The following CHCHD3 variants were observed in gnomAD, a reference collection of about 807,000 sequenced individuals.
CHCHD3 encodes MICOS complex subunit MIC19.
Under a neutral mutation model 38.2 loss-of-function variants are expected in CHCHD3, and 20 were observed. That is an observed-to-expected ratio of 0.52 (90% CI 0.37 to 0.76). The LOEUF (loss-of-function observed/expected upper bound fraction) is 0.76, where lower values mean the gene tolerates loss of function less well. CHCHD3 is among the 30% of genes least tolerant of loss of function. CHCHD3 has a pLI of 0.00. For synonymous variants in CHCHD3, 82 were observed against 100.0 expected (o/e 0.82, Z 1.07); for missense variants, 245 against 279.2 (o/e 0.88, Z 0.87).
intron 2 of CHCHD3, among the ~76,000 whole-genome samples, chr7:133,066,015 TCAGAGCTATGCAA>T: frequency 6.6e-6 from 1 of 152,296 alleles, no homozygotes; most frequent in South Asian, 2.1e-4. Context: ...GTGTTCCAGA[TCAGAGCTATGCAA>T]CAGAACTGTC....
chr7:132,926,815 A>T (rs1326743708), intron 4 of CHCHD3, among the ~76,000 whole-genome samples: 4 of 152,080 alleles, frequency 2.6e-5, no homozygotes, highest in African/African-American at 9.7e-5. Context: ...ATTGTTTTTA[A>T]TGTGTATTTT....
At chr7:132,838,514 C>T (rs767910271) in intron 5 of CHCHD3, 45 bp from the exon 6 acceptor site, 2 of 1,380,584 alleles carry the variant, frequency 1.4e-6, no homozygotes, top group African/African-American at 1.4e-5. Context: ...TCCAAGATGA[C>T]AAAATGTGTG....
intron 5 of CHCHD3, among the ~76,000 whole-genome samples, chr7:132,882,851 C>G (rs781773648): frequency 6.6e-6 from 1 of 152,106 alleles, no homozygotes; most frequent in Non-Finnish European, 1.5e-5. Context: ...TTAACATTTA[C>G]TAACTCTGAT....
In CHCHD3 at chr7:132,857,815, G is replaced by A. The variant is rs559572905; in HGVS notation, c.454-19346C>T. On this transcript the variant is annotated intron_variant, in intron 5 of 7. Coordinates refer to ENST00000262570, the MANE Select transcript of CHCHD3 (RefSeq NM_017812.4). ...CAAGCCACTCAATCCCACTGGGTCT[G>A]GTTTTAGAAATTAGATACCCCTGTG... 6.8e-4 allele frequency among the ~76,000 whole-genome samples: 104 copies of A among 152,306 alleles called. 2 individuals are homozygous for A. In the South Asian group the frequency reaches 0.02, roughly 30 times the overall value.
At position 133,034,508 on chromosome 7, in the gene CHCHD3, CTTT is replaced by C. The variant is rs146912120; in HGVS notation, c.170-9884_170-9882del. 3.5e-3 allele frequency: 990 copies of C among 283,858 alleles called. 2 individuals are homozygous for C. The highest frequency in any genetic ancestry group is 9.3e-3 in the African/African-American group (250 of 26,902). The allele number at this position is 283,858 out of a possible 1,614,324, so 17.6% of individuals were successfully genotyped here. On this transcript the variant is annotated intron_variant, in intron 2 of 7. Transcript: ENST00000262570. ...AGTCCTTTCAGCAATTGGATCCAGT[CTTT>C]TTTTTTTTTTTTTTTTTTTCAATGT... is the stretch of plus-strand genomic sequence containing the variant.
chr7:132,910,289 T>C (rs186920924), intron 4 of CHCHD3, among the ~76,000 whole-genome samples: 347 of 152,318 alleles, frequency 2.3e-3, no homozygotes, highest in African/African-American at 7.8e-3. Context: ...GAGTCCAGCA[T>C]AGTGCCTGCA....
intron 6 of CHCHD3, among the ~76,000 whole-genome samples, chr7:132,801,177 G>A (rs367938647): frequency 3.9e-5 from 6 of 151,988 alleles, no homozygotes; most frequent in East Asian, 1.9e-4. Flanking sequence ...ATCGTAAAAT[G>A]CAATATGAAG....
chr7:133,014,024 T>C (rs1226479948), intron 3 of CHCHD3, among the ~76,000 whole-genome samples: 1 of 152,220 alleles, frequency 6.6e-6, no homozygotes, highest in Non-Finnish European at 1.5e-5. Flanking sequence ...TAGACACTTG[T>C]CACATTAGTG....
At chr7:132,925,757 T>A (rs1325570439) in intron 4 of CHCHD3, among the ~76,000 whole-genome samples, 1 of 152,158 alleles carries the variant, frequency 6.6e-6, no homozygotes, top group Non-Finnish European at 1.5e-5. Flanking sequence ...TCTAAGAGCT[T>A]ACTGACCACT....
chr7:132,794,579 C>T (rs1337534807), intron 7 of CHCHD3, among the ~76,000 whole-genome samples: 1 of 152,116 alleles, frequency 6.6e-6, no homozygotes, highest in Non-Finnish European at 1.5e-5. Context: ...TTATTATTAA[C>T]TTGTATTATA....
At position 132,973,036 on chromosome 7, in the gene CHCHD3, ATT is replaced by A. The variant is rs1230745504; in HGVS notation, c.369+2131_369+2132del. The A allele has an allele frequency of 7.1e-6, 7 of 985,264 alleles. No homozygotes were observed. In the African/African-American group the frequency reaches 1.0e-4, roughly 15 times the overall value. The allele number at this position is 985,264 out of a possible 1,614,324, so 61.0% of individuals were successfully genotyped here. On this transcript the variant is annotated intron_variant, in intron 4 of 7. Transcript: ENST00000262570. ...GTAACAAATCTTTTGATACTTTCAC[ATT>A]TTTTTGTGAAATCTCTTTTTATGTC... is the stretch of plus-strand genomic sequence containing the variant.
intron 6 of CHCHD3, among the ~76,000 whole-genome samples, chr7:132,807,942 C>A (rs192321070): frequency 1.3e-5 from 2 of 151,868 alleles, no homozygotes; most frequent in Non-Finnish European, 2.9e-5. Context: ...GATGCCTGGG[C>A]ACCACAATTC....
chr7:132,844,480 C>T (rs141104583), intron 5 of CHCHD3, among the ~76,000 whole-genome samples: 2 of 152,148 alleles, frequency 1.3e-5, no homozygotes, highest in African/African-American at 2.4e-5. Flanking sequence ...TATTGTCCTG[C>T]CCCATAAACA....
chr7:132,991,964 C>T lies in CHCHD3; in HGVS notation c.252-16678G>A, dbSNP rs1041339915. Among the ~76,000 whole-genome samples, 3 of 152,146 alleles carry T rather than the reference C, an allele frequency of 2.0e-5. No homozygotes were observed. The South Asian group carries it at 6.2e-4, about 32-fold the overall frequency. ...TCCTAAGATGGACTACTGTGTTCAA[C>T]ATTTGGCTACGACTCTCAGCTTCTC... On this transcript the variant is annotated intron_variant, in intron 3 of 7. Transcript: ENST00000262570.
At chr7:132,913,980 C>T (rs111277230) in intron 4 of CHCHD3, among the ~76,000 whole-genome samples, 2 of 110,320 alleles carry the variant, frequency 1.8e-5, no homozygotes, top group African/African-American at 7.0e-5. Context: ...GAGATGGAGT[C>T]TTGCTCTATT....
chr7:132,864,951 T>C (rs1278230145), intron 5 of CHCHD3, among the ~76,000 whole-genome samples: 1 of 152,170 alleles, frequency 6.6e-6, no homozygotes, highest in African/African-American at 2.4e-5. Flanking sequence ...TCTCTACTCA[T>C]TGCAAAGATG....
chr7:132,796,028 T>C (rs1806601868), intron 7 of CHCHD3, among the ~76,000 whole-genome samples: 1 of 114,202 alleles, frequency 8.8e-6, no homozygotes, highest in African/African-American at 3.1e-5. Context: ...TGGTGTTTTG[T>C]TTTTTTTTTA....
chr7:132,904,175 C>T (rs552007803), intron 4 of CHCHD3, among the ~76,000 whole-genome samples: 2 of 151,896 alleles, frequency 1.3e-5, no homozygotes, highest in South Asian at 4.2e-4. Context: ...GCAGGAGGAT[C>T]ATTTGAGCCC....
At chr7:132,836,195 C>T (rs1359065231) in intron 6 of CHCHD3, among the ~76,000 whole-genome samples, 1 of 152,082 alleles carries the variant, frequency 6.6e-6, no homozygotes, top group Non-Finnish European at 1.5e-5. Context: ...CTCACTGCAA[C>T]CTTTGCCTCT....
Sources: gnomAD v4.1 joint callset for allele counts (sites outside exome capture counted in the v4.1 genomes callset) on GRCh38, gnomAD v4.1.1 for gene constraint, MANE v1.5 for transcripts, NCBI Gene and HGNC (gene_info 2026-07-23, HGNC 2026-07-21) for gene names.